The following SAMD12 variants were observed in gnomAD, a reference collection of about 807,000 sequenced individuals.
SAMD12 encodes the protein sterile alpha motif domain-containing protein 12.
A neutral mutation model predicts 15.0 loss-of-function variants in SAMD12; 9 were observed. The observed-to-expected ratio is 0.60, with a 90% CI of 0.36 to 1.05. SAMD12 has a LOEUF of 1.05. Among genes scored for constraint, SAMD12 ranks in the 50% least tolerant of loss-of-function variants. The pLI is 0.01. For synonymous variants in SAMD12, 86 were observed against 90.1 expected, an observed-to-expected ratio of 0.96 and a Z score of 0.25; for missense variants, 230 against 234.2, an observed-to-expected ratio of 0.98 and a Z score of 0.12.
intron 4 of SAMD12, among the ~76,000 whole-genome samples, chr8:118,250,557 C>G (rs1334138812): frequency 6.6e-6 from 1 of 150,616 alleles, no homozygotes; most frequent in Non-Finnish European, 1.5e-5. Flanking sequence ...GGCTGGAGTG[C>G]AGTGGTGCAA....
At chr8:118,330,264 G>T (rs865820512) in intron 4 of SAMD12, among the ~76,000 whole-genome samples, 4 of 152,210 alleles carry the variant, frequency 2.6e-5, no homozygotes, top group Non-Finnish European at 5.9e-5. Context: ...TGATGCAAGA[G>T]TTCCTGGATA....
chr8:118,337,339 G>C (rs1310617179), intron 4 of SAMD12, among the ~76,000 whole-genome samples: 1 of 152,112 alleles, frequency 6.6e-6, no homozygotes, highest in Non-Finnish European at 1.5e-5. Flanking sequence ...TACATGCCCT[G>C]GGTTTTAAGG....
chr8:118,217,421 G>A (rs2129850061), intron 4 of SAMD12, among the ~76,000 whole-genome samples: 1 of 152,324 alleles, frequency 6.6e-6, no homozygotes, highest in East Asian at 1.9e-4. Context: ...GTATGGGTGA[G>A]GGATTGTGCT....
chr8:118,504,987 C>A (rs1400250701), intron 2 of SAMD12, among the ~76,000 whole-genome samples: 1 of 152,204 alleles, frequency 6.6e-6, no homozygotes, highest in African/African-American at 2.4e-5. Flanking sequence ...TTAGGATGAT[C>A]TGGCCAGACA....
intron 2 of SAMD12, among the ~76,000 whole-genome samples, chr8:118,505,706 G>A (rs550996693): frequency 1.3e-4 from 20 of 151,744 alleles, no homozygotes; most frequent in African/African-American, 2.4e-4. Context: ...CTCGTAAGAC[G>A]TTTAAGCCAC....
At chr8:118,155,968 A>T in the SAMD12 span, among the ~76,000 whole-genome samples, 1 of 152,184 alleles carries the variant, frequency 6.6e-6, no homozygotes, top group South Asian at 2.1e-4. Flanking sequence ...TCCAGCATTA[A>T]ATTCTTTCTG....
the SAMD12 span, among the ~76,000 whole-genome samples, chr8:118,139,938 C>T: frequency 6.6e-6 from 1 of 152,162 alleles, no homozygotes; most frequent in Admixed American, 6.5e-5. Context: ...AAAACTGTGC[C>T]AATCCAAACA....
intron 4 of SAMD12, among the ~76,000 whole-genome samples, chr8:118,358,019 C>A (rs962097647): frequency 6.6e-6 from 1 of 152,260 alleles, no homozygotes; most frequent in African/African-American, 2.4e-5. Context: ...GTGGTGCACA[C>A]CTCTAGTCCC....
chr8:118,139,453 G>C, the SAMD12 span, among the ~76,000 whole-genome samples: 1 of 152,162 alleles, frequency 6.6e-6, no homozygotes, highest in Admixed American at 6.5e-5. Flanking sequence ...CAAACTCCTA[G>C]CTTGAAGCCC....
chr8:118,442,463 G>A (rs919597618), intron 2 of SAMD12, among the ~76,000 whole-genome samples: 6 of 152,196 alleles, frequency 3.9e-5, no homozygotes, highest in African/African-American at 1.2e-4. Flanking sequence ...TCTAACATCT[G>A]TGGGAAACCA....
chr8:118,251,492 C>T (rs1358199212), intron 4 of SAMD12, among the ~76,000 whole-genome samples: 4 of 152,098 alleles, frequency 2.6e-5, no homozygotes, highest in Admixed American at 1.3e-4. Flanking sequence ...GGTCTTTTTA[C>T]GCCCCCACCT....
the SAMD12 span, among the ~76,000 whole-genome samples, chr8:118,139,259 A>T: frequency 6.6e-6 from 1 of 152,174 alleles, no homozygotes; most frequent in Admixed American, 6.5e-5. Flanking sequence ...CTGGAGAGAA[A>T]CCCAATGATA....
intron 3 of SAMD12, among the ~76,000 whole-genome samples, chr8:118,404,618 T>C (rs1183221548): frequency 6.6e-6 from 1 of 152,184 alleles, no homozygotes; most frequent in Non-Finnish European, 1.5e-5. Flanking sequence ...CAAACATTAA[T>C]GCCATAAGAG....
intron 3 of SAMD12, among the ~76,000 whole-genome samples, chr8:118,402,614 T>TA (rs1278233009): frequency 2.6e-5 from 4 of 152,194 alleles, no homozygotes; most frequent in Non-Finnish European, 5.9e-5. Context: ...ATTTAACCCT[T>TA]AGAGATTCCT....
intron 4 of SAMD12, among the ~76,000 whole-genome samples, chr8:118,260,074 A>G (rs2130058737): frequency 6.6e-6 from 1 of 152,226 alleles, no homozygotes; most frequent in African/African-American, 2.4e-5. Flanking sequence ...GGAAGCTGGC[A>G]GGTCACAAGT....
chr8:118,614,548 G>A (rs2131321539), intron 1 of SAMD12, among the ~76,000 whole-genome samples: 1 of 152,296 alleles, frequency 6.6e-6, no homozygotes, highest in South Asian at 2.1e-4. Flanking sequence ...GGTCTCAAGG[G>A]CAGCTGTAGC....
chr8:118,555,641 T>G (rs1342818088), intron 2 of SAMD12, among the ~76,000 whole-genome samples: 1 of 152,176 alleles, frequency 6.6e-6, no homozygotes, highest in Non-Finnish European at 1.5e-5. Context: ...ATCATAAAAT[T>G]TAAATAAGAG....
chr8:118,517,186 T>G (rs1388805870), intron 2 of SAMD12, among the ~76,000 whole-genome samples: 1 of 152,028 alleles, frequency 6.6e-6, no homozygotes, highest in African/African-American at 2.4e-5. Context: ...CCAGGGAGAA[T>G]AGAGTAGTTA....
At chr8:118,550,804 C>T (rs1385903629) in intron 2 of SAMD12, among the ~76,000 whole-genome samples, 7 of 151,612 alleles carry the variant, frequency 4.6e-5, no homozygotes, top group South Asian at 2.1e-4. Context: ...CAGAGACACA[C>T]ATAGGCTTAA....
Sources: allele counts gnomAD v4.1 joint callset (sites outside exome capture counted in the v4.1 genomes callset), GRCh38; gene constraint gnomAD v4.1.1; transcripts MANE v1.5; gene names NCBI Gene and HGNC (gene_info 2026-07-23, HGNC 2026-07-21).